Variants in ZCCHC8 observed in about 807,000 individuals in gnomAD.
The protein encoded by ZCCHC8 is zinc finger CCHC-type containing 8, also known as zinc finger CCHC domain-containing protein 8.
Under a neutral mutation model 70.6 loss-of-function variants are expected in ZCCHC8, and 27 were observed. That is an observed-to-expected ratio of 0.38 (90% CI 0.28 to 0.53). The LOEUF (loss-of-function observed/expected upper bound fraction) is 0.53. Among genes scored for constraint, ZCCHC8 ranks in the 20% least tolerant of loss-of-function variants. The pLI is 0.81. For synonymous variants in ZCCHC8, 293 were observed against 317.4 expected (o/e 0.92, Z 0.82); for missense variants, 737 against 876.9 (o/e 0.84, Z 2.01).
chr12:122,474,422 C>T, intron 13 of ZCCHC8, 147 bp from the exon 14 acceptor site: 1 of 604,972 alleles, frequency 1.7e-6, no homozygotes, highest in Non-Finnish European at 2.5e-6. Context: ...TTCTCAGGTG[C>T]CATTACCACC....
Position 122,500,688 on chromosome 12 carries a change from C to T in ZCCHC8, c.153G>A (p.Glu51=). ...TGGTCTCCTCGCACTGCCGAAGCCG[C>T]TCCCGTAGCTCCGCGTCGCCGACCC... is the stretch of plus-strand genomic sequence containing the variant. ...ENGVGDAELR[E]RLRQCEETIE... Residue 51 remains glutamate (E), a synonymous_variant, in exon 1 of 14, where the codon GAG becomes GAA. Transcript: ENST00000633063. The surrounding 1 kb of genome is among the most constrained non-coding windows in gnomAD (Gnocchi z 4.8). 1.9e-6 allele frequency: 3 copies of T among 1,582,042 alleles called. No individual in the cohort carries two copies. The highest frequency in any genetic ancestry group is 2.6e-6 in the Non-Finnish European group (3 of 1,164,794).
rs1219821151 is a variant in ZCCHC8, at chr12:122,477,956, T to C, written c.1230A>G (p.Pro410=). The change falls in exon 13 of 14, where the codon CCA becomes CCG. Residue 410 remains proline (P), a splice_region_variant and synonymous_variant. Coordinates refer to ENST00000633063, the MANE Select transcript of ZCCHC8 (RefSeq NM_017612.5). The stretch of plus-strand genomic sequence containing the variant: ...ACCTCTTGTTGCCAGACTTCACACC[T>C]GGCTAAAAGAGCAACCAGACCAAAC... ...ANYLTSNFQA[P]GVKSGNKRSS... The C allele has an allele frequency of 1.2e-6, 2 of 1,611,844 alleles. No homozygotes were observed. The highest frequency in any genetic ancestry group is 2.2e-5 in the East Asian group (1 of 44,882).
intron 1 of ZCCHC8, 191 bp from the exon 2 acceptor site, chr12:122,499,060 G>A (rs1046042866): frequency 1.6e-5 from 10 of 606,786 alleles, no homozygotes; most frequent in East Asian, 2.8e-5. Flanking sequence ...ATTAAAGTAC[G>A]GTTTTTATCC....
At chr12:122,486,672 C>T (rs1293413717) in intron 5 of ZCCHC8, among the ~76,000 whole-genome samples, 1 of 151,864 alleles carries the variant, frequency 6.6e-6, no homozygotes, top group African/African-American at 2.4e-5. Flanking sequence ...CGGGTTCTAG[C>T]GATTCTCCTG....
chr12:122,481,880 G>T, intron 9 of ZCCHC8, 65 bp downstream of exon 9: 1 of 1,553,482 alleles, frequency 6.4e-7, no homozygotes, highest in Non-Finnish European at 8.7e-7. Context: ...AGCCCAAAGA[G>T]ACACAGAACA....
At chr12:122,495,199 G>A (rs1027735173) in intron 2 of ZCCHC8, among the ~76,000 whole-genome samples, 2 of 152,130 alleles carry the variant, frequency 1.3e-5, no homozygotes, top group African/African-American at 2.4e-5. Context: ...CACAATAAAA[G>A]TAGAAGAAGG....
At position 122,481,429 on chromosome 12, in the gene ZCCHC8, A is replaced by C. The variant is rs529803499; in HGVS notation, c.1018+93T>G. ...TTTTTTAGTTAGCACACATTAAAGA[A>C]GCCGGCCATTCCTATCACATTTTGT... On this transcript the variant is annotated intron_variant, in intron 10 of 13. Transcript: ENST00000633063. 2.4e-5 allele frequency: 34 copies of C among 1,437,590 alleles called. No homozygotes were observed. In the East Asian group the frequency reaches 4.4e-4, roughly 19 times the overall value. The allele number at this position is 1,437,590 out of a possible 1,614,324, so 89.1% of individuals were successfully genotyped here.
chr12:122,477,619 CTA>C (rs1491305853), intron 13 of ZCCHC8, among the ~76,000 whole-genome samples: 2 of 100,914 alleles, frequency 2.0e-5, no homozygotes, highest in African/African-American at 6.0e-5. Flanking sequence ...CCTGTCTCTA[CTA>C]AAAAAAAAAA....
In ZCCHC8 at chr12:122,481,988, C is replaced by G; in HGVS notation, c.832G>C (p.Glu278Gln). The change falls in exon 9 of 14, where the codon GAA becomes CAA. Residue 278 changes from glutamate to glutamine, a missense_variant. Transcript: ENST00000633063. ...AATCTTCCAAATCTTTCTTCTACTT[C>G]TTCTGCGTGGTATCGCTGCTGGAAA... ...QNFQQRYHAE[E>Q]VEERFGRFKP... 1 of 1,613,268 alleles carries G rather than the reference C, an allele frequency of 6.2e-7. No individual in the cohort carries two copies. The highest frequency in any genetic ancestry group is 8.5e-7 in the Non-Finnish European group (1 of 1,179,610).
At chr12:122,496,198 A>T (rs1387256637) in intron 2 of ZCCHC8, among the ~76,000 whole-genome samples, 1 of 152,056 alleles carries the variant, frequency 6.6e-6, no homozygotes, top group Non-Finnish European at 1.5e-5. Flanking sequence ...AAACCAGGAG[A>T]AACTTCTGAT....
At chr12:122,497,712 A>G (rs1957847351) in intron 2 of ZCCHC8, among the ~76,000 whole-genome samples, 2 of 152,106 alleles carry the variant, frequency 1.3e-5, no homozygotes, top group Admixed American at 1.3e-4. Flanking sequence ...TATCTCTGTT[A>G]AAGTTAGGTG....
At chr12:122,479,563 A>C (rs967684398) in intron 11 of ZCCHC8, among the ~76,000 whole-genome samples, 3 of 152,218 alleles carry the variant, frequency 2.0e-5, no homozygotes, top group Non-Finnish European at 4.4e-5. Context: ...TTTATTATAG[A>C]TAGAAACTTA....
intron 2 of ZCCHC8, 32 bp from the exon 3 acceptor site, chr12:122,492,821 G>T: frequency 1.4e-6 from 2 of 1,409,858 alleles, no homozygotes; most frequent in African/African-American, 1.4e-5. Flanking sequence ...ATTCTTAGAA[G>T]ATATTTAAGT....
chr12:122,473,748 C>T lies in ZCCHC8; in HGVS notation c.1873G>A (p.Asp625Asn). The T allele has an allele frequency of 6.2e-7, 1 of 1,613,678 alleles. No homozygotes were observed. Residue 625 changes from aspartate (D) to asparagine (N), a missense_variant, in exon 14 of 14, where the codon GAT becomes AAT. Asp to Asn is a conservative substitution (Grantham distance 23). Transcript: ENST00000633063. ...CAGTTTGGTACGACACTGCCATTAT[C>T]AAGAAGGGCACCTTCAGTGTTTACC... ...APVNTEGALLDNGSVVPNCDI... is the reference protein window; with the variant it reads ...APVNTEGALLNNGSVVPNCDI...
chr12:122,497,958 A>ACCAGC (rs2137375385), intron 2 of ZCCHC8, among the ~76,000 whole-genome samples: 1 of 151,640 alleles, frequency 6.6e-6, no homozygotes, highest in South Asian at 2.1e-4. Flanking sequence ...AACACTGTAC[A>ACCAGC]CCAGCCTGAG....
chr12:122,498,158 C>T (rs1402471741), intron 2 of ZCCHC8, among the ~76,000 whole-genome samples: 5 of 131,200 alleles, frequency 3.8e-5, no homozygotes, highest in Admixed American at 1.7e-4. Flanking sequence ...ATACTGTAAT[C>T]TTTTTTTTTT....
At position 122,482,953 on chromosome 12, in the gene ZCCHC8, CA is replaced by C. The variant is rs375310369; in HGVS notation, c.672-259del. ...TCTTTTGAGTTTTTTCAGTGGTTAA[CA>C]ACGAAGAATCAAGGTGAACACATTG... is the stretch of plus-strand genomic sequence containing the variant. On this transcript the variant is annotated intron_variant, in intron 7 of 13. Coordinates refer to ENST00000633063, the MANE Select transcript of ZCCHC8 (RefSeq NM_017612.5). 5.3e-4 allele frequency: 276 copies of C among 517,894 alleles called. 1 individual carries two copies. Among genetic ancestry groups the C allele is most frequent in the African/African-American group, 4.8e-3 (253 of 52,236 alleles). 32.1% of individuals were successfully genotyped at this position (517,894 alleles called of 1,614,324 possible). A position where few individuals can be genotyped will look rare whatever the true frequency, so the allele number is the denominator to read the frequency against.
rs1270735693 is a variant in ZCCHC8, at chr12:122,500,901, G to C, written c.-61C>G. 9 of 1,522,106 alleles carry C rather than the reference G, an allele frequency of 5.9e-6. No individual in the cohort carries two copies. Among genetic ancestry groups the C allele is most frequent in the Admixed American group, 4.0e-5 (2 of 49,990 alleles). The allele number at this position is 1,522,106 out of a possible 1,614,324, so 94.3% of individuals were successfully genotyped here. ...CCGGCCACCAGGGCTTGGGGAAGAA[G>C]GTTGGAAGGCGGCACCACTCTCTAG... On this transcript the variant is annotated 5_prime_UTR_variant, in exon 1 of 14. Transcript: ENST00000633063. This position sits in a 1 kb window ranked among gnomAD's most constrained non-coding sequence, Gnocchi z 4.8.
intron 2 of ZCCHC8, among the ~76,000 whole-genome samples, chr12:122,493,284 C>CT (rs931451465): frequency 5.9e-5 from 9 of 151,458 alleles, no homozygotes; most frequent in South Asian, 2.1e-4. Flanking sequence ...AGAGGTATCA[C>CT]TTTTTTTTTA....
Sources: gnomAD v4.1 joint callset for allele counts (sites outside exome capture counted in the v4.1 genomes callset) on GRCh38, gnomAD v4.1.1 for gene constraint, Gnocchi (gnomAD v3.1) non-coding constraint, MANE v1.5 for transcripts, NCBI Gene and HGNC (gene_info 2026-07-23, HGNC 2026-07-21) for gene names.